The following ANO10 variants were observed in gnomAD, a reference collection of about 807,000 sequenced individuals.
The protein encoded by ANO10 is anoctamin 10, also known as anoctamin-10.
ANO10 carries 77 observed loss-of-function variants against 74.7 expected under a neutral mutation model. The ratio of observed to expected loss-of-function variants is 1.03; its 90% CI spans 0.86 to 1.25. The LOEUF (loss-of-function observed/expected upper bound fraction) is 1.25. ANO10 is among the 50% of genes most tolerant of loss of function. The pLI is 0.00. For missense variants in ANO10, 721 were observed against 778.1 expected, an observed-to-expected ratio of 0.93 and a Z score of 0.87; for synonymous variants, 279 against 284.9, an observed-to-expected ratio of 0.98 and a Z score of 0.21.
chr3:43,598,830 T>G (rs764780191), intron 3 of ANO10, among the ~76,000 whole-genome samples, 164 bp from the exon 4 acceptor site: 8 of 152,348 alleles, frequency 5.3e-5, no homozygotes, highest in Admixed American at 5.2e-4. Context: ...TCCTTAGATA[T>G]TTTATAAGAA....
intron 12 of ANO10, among the ~76,000 whole-genome samples, chr3:43,416,461 G>T (rs1230827638): frequency 6.6e-6 from 1 of 151,992 alleles, no homozygotes; most frequent in African/African-American, 2.4e-5. Flanking sequence ...AATTTATGGG[G>T]GAAAATTCAC....
At chr3:43,478,915 A>G (rs2149079795) in intron 11 of ANO10, among the ~76,000 whole-genome samples, 1 of 152,324 alleles carries the variant, frequency 6.6e-6, no homozygotes, top group East Asian at 1.9e-4. Flanking sequence ...CCTGTTTTAT[A>G]ATATTATAGC....
intron 11 of ANO10, among the ~76,000 whole-genome samples, chr3:43,514,519 C>A (rs1290144059): frequency 6.6e-6 from 1 of 151,998 alleles, no homozygotes; most frequent in Admixed American, 6.5e-5. Context: ...GACAAAGCCA[C>A]AATTATAACG....
intron 11 of ANO10, among the ~76,000 whole-genome samples, chr3:43,467,562 G>A (rs1431402651): frequency 2.6e-5 from 4 of 152,212 alleles, no homozygotes; most frequent in African/African-American, 9.6e-5. Flanking sequence ...TGACAAGAAA[G>A]CACTTCAGTG....
intron 1 of ANO10, among the ~76,000 whole-genome samples, chr3:43,614,138 T>C (rs1325380675): frequency 6.6e-6 from 1 of 152,196 alleles, no homozygotes. Context: ...GGGACACGCA[T>C]CAAAGGTCAA....
At chr3:43,550,479 G>A (rs2079407431) in intron 10 of ANO10, among the ~76,000 whole-genome samples, 1 of 152,054 alleles carries the variant, frequency 6.6e-6, no homozygotes, top group Admixed American at 6.6e-5. Context: ...TGTGACCATT[G>A]CTCTTTTTTT....
chr3:43,419,930 T>C lies in ANO10; in HGVS notation c.1914+12681A>G, dbSNP rs145050033. On this transcript the variant is annotated intron_variant, in intron 12 of 12. Coordinates refer to ENST00000292246, the MANE Select transcript of ANO10 (RefSeq NM_018075.5). ...TATGAAGTGATTATTTTCCTTTAGG[T>C]AGTATTTAAAAGAGTTCTTAAATCC... is the stretch of plus-strand genomic sequence containing the variant. Among the ~76,000 whole-genome samples the C allele has an allele frequency of 3.3e-4, 50 of 152,360 alleles. No individual in the cohort carries two copies. In the East Asian group the frequency reaches 9.2e-3, roughly 28 times the overall value.
chr3:43,686,272 G>C (rs1458143884), intron 1 of ANO10, among the ~76,000 whole-genome samples: 3 of 152,064 alleles, frequency 2.0e-5, no homozygotes, highest in Non-Finnish European at 4.4e-5. Flanking sequence ...CTCAAGAATT[G>C]TTTAGTCTAA....
intron 1 of ANO10, among the ~76,000 whole-genome samples, chr3:43,683,345 A>C (rs1395338020): frequency 6.6e-6 from 1 of 152,204 alleles, no homozygotes; most frequent in Non-Finnish European, 1.5e-5. Context: ...CTTCAAAGAG[A>C]ATAAAATACC....
At chr3:43,602,736 G>C (rs1296442580) in intron 2 of ANO10, among the ~76,000 whole-genome samples, 1 of 152,160 alleles carries the variant, frequency 6.6e-6, no homozygotes, top group Non-Finnish European at 1.5e-5. Context: ...TCATGTTTAC[G>C]AAAGAGGCTC....
At chr3:43,485,472 A>G (rs1186723300) in intron 11 of ANO10, among the ~76,000 whole-genome samples, 3 of 152,042 alleles carry the variant, frequency 2.0e-5, no homozygotes, top group Admixed American at 2.0e-4. Context: ...GTGACCCACG[A>G]CTTCTAATAG....
chr3:43,573,109 G>GA (rs913452805), intron 7 of ANO10, among the ~76,000 whole-genome samples: 1 of 151,758 alleles, frequency 6.6e-6, no homozygotes, highest in Non-Finnish European at 1.5e-5. Context: ...ACCTCTGAGG[G>GA]AAAAAGCTCC....
intron 12 of ANO10, among the ~76,000 whole-genome samples, chr3:43,387,407 C>A (rs561492135): frequency 6.6e-6 from 1 of 152,042 alleles, no homozygotes; most frequent in African/African-American, 2.4e-5. Flanking sequence ...GGGTGCTGGG[C>A]GGCAGGGAGA....
At chr3:43,444,672 A>G (rs907501671) in intron 11 of ANO10, among the ~76,000 whole-genome samples, 3 of 152,210 alleles carry the variant, frequency 2.0e-5, no homozygotes, top group Admixed American at 6.6e-5. Context: ...GGGCCACAGG[A>G]AAGTGGGTGG....
chr3:43,485,134 T>A (rs1448909788), intron 11 of ANO10: 2 of 833,858 alleles, frequency 2.4e-6, no homozygotes, highest in Non-Finnish European at 4.0e-6. Flanking sequence ...TCTGGTGGAG[T>A]GATCTGGATG....
At chr3:43,585,203 C>T (rs1415298635) in intron 4 of ANO10, among the ~76,000 whole-genome samples, 1 of 152,076 alleles carries the variant, frequency 6.6e-6, no homozygotes, top group African/African-American at 2.4e-5. Context: ...CATAAAAGAA[C>T]AGAATAATGC....
intron 1 of ANO10, among the ~76,000 whole-genome samples, chr3:43,640,045 A>G (rs2083656099): frequency 6.6e-6 from 1 of 152,232 alleles, no homozygotes; most frequent in Admixed American, 6.5e-5. Flanking sequence ...GGAAGAGGAC[A>G]CAGAGTAGGT....
intron 9 of ANO10, among the ~76,000 whole-genome samples, chr3:43,557,303 T>C (rs1344656518): frequency 6.6e-6 from 1 of 152,100 alleles, no homozygotes; most frequent in African/African-American, 2.4e-5. Context: ...TCAAATCTTA[T>C]GAGAAATAAG....
intron 8 of ANO10, among the ~76,000 whole-genome samples, chr3:43,563,443 A>T (rs1183426322): frequency 1.4e-5 from 2 of 139,392 alleles, no homozygotes; most frequent in African/African-American, 5.3e-5. Context: ...TTTTTGAGAC[A>T]TCTAAAAAAA....
Sources: allele counts gnomAD v4.1 joint callset (sites outside exome capture counted in the v4.1 genomes callset), GRCh38; gene constraint gnomAD v4.1.1; transcripts MANE v1.5; gene names NCBI Gene and HGNC (gene_info 2026-07-23, HGNC 2026-07-21).